The following NCOA2 variants were observed in gnomAD, a reference collection of about 807,000 sequenced individuals.
NCOA2 encodes the protein nuclear receptor coactivator 2.
Under a neutral mutation model 145.1 loss-of-function variants are expected in NCOA2, and 21 were observed. The observed-to-expected ratio is 0.14, with a 90% CI of 0.10 to 0.21. The LOEUF is 0.21. Ranked by LOEUF, NCOA2 falls within the 10% of genes least tolerant of loss-of-function variation. NCOA2 has a pLI of 1.00. For missense variants in NCOA2, 1,472 were observed against 1,837.6 expected (o/e 0.80, Z 3.64); for synonymous variants, 619 against 637.5 (o/e 0.97, Z 0.44).
intron 15 of NCOA2, among the ~76,000 whole-genome samples, chr8:70,135,026 C>T (rs192228637): frequency 2.6e-5 from 4 of 152,242 alleles, no homozygotes; most frequent in East Asian, 1.9e-4. Flanking sequence ...CCCAGGAAAA[C>T]GCCCCTGGAA....
intron 2 of NCOA2, among the ~76,000 whole-genome samples, chr8:70,290,152 T>C (rs1424984614): frequency 6.6e-6 from 1 of 151,910 alleles, no homozygotes; most frequent in Non-Finnish European, 1.5e-5. Flanking sequence ...CAAAATATAA[T>C]GGTGCCTAGG....
chr8:70,296,254 A>C (rs1345568060), intron 2 of NCOA2, among the ~76,000 whole-genome samples: 3 of 152,216 alleles, frequency 2.0e-5, no homozygotes, highest in African/African-American at 7.2e-5. Context: ...GTGCTTGAGA[A>C]GCTATTTTAC....
chr8:70,321,792 C>CTTTT (rs1563762022), intron 1 of NCOA2, among the ~76,000 whole-genome samples: 1 of 97,528 alleles, frequency 1.0e-5, no homozygotes, highest in Non-Finnish European at 2.0e-5. Flanking sequence ...TCAGAATATA[C>CTTTT]CTTTTTTTTT....
At chr8:70,347,454 T>C (rs1185130596) in intron 1 of NCOA2, among the ~76,000 whole-genome samples, 6 of 150,668 alleles carry the variant, frequency 4.0e-5, no homozygotes, top group Non-Finnish European at 8.9e-5. Context: ...CATTGCACTC[T>C]AGCCTGGACG....
At chr8:70,418,635 C>G in the NCOA2 span, among the ~76,000 whole-genome samples, 2 of 152,274 alleles carry the variant, frequency 1.3e-5, no homozygotes, top group East Asian at 3.9e-4. Context: ...AGTGGTAGGT[C>G]AATTACATTG....
chr8:70,196,287 A>C (rs1180810577), intron 4 of NCOA2, among the ~76,000 whole-genome samples: 1 of 152,170 alleles, frequency 6.6e-6, no homozygotes, highest in Non-Finnish European at 1.5e-5. Flanking sequence ...GAGGCACGAG[A>C]ATCACTTGAA....
chr8:70,416,761 A>G, the NCOA2 span, among the ~76,000 whole-genome samples: 1 of 152,140 alleles, frequency 6.6e-6, no homozygotes, highest in Non-Finnish European at 1.5e-5. Context: ...AGAGAGTGAG[A>G]GAGTGAGAAC....
chr8:70,415,526 G>A, the NCOA2 span, among the ~76,000 whole-genome samples: 1 of 152,194 alleles, frequency 6.6e-6, no homozygotes, highest in African/African-American at 2.4e-5. Flanking sequence ...TGAAGGGGTT[G>A]CAGAATATAA....
chr8:70,116,542 G>A (rs1012082405), intron 22 of NCOA2, among the ~76,000 whole-genome samples: 10 of 150,484 alleles, frequency 6.6e-5, no homozygotes, highest in Non-Finnish European at 8.9e-5. Flanking sequence ...CACAGAGTCC[G>A]TCTCAAAAAA....
At chr8:70,309,957 A>C (rs1370847773) in intron 1 of NCOA2, among the ~76,000 whole-genome samples, 2 of 151,848 alleles carry the variant, frequency 1.3e-5, no homozygotes, top group African/African-American at 4.8e-5. Context: ...TGTCTCGAAA[A>C]CAAACAAACA....
At chr8:70,353,793 T>G (rs995218248) in intron 1 of NCOA2, among the ~76,000 whole-genome samples, 1 of 152,188 alleles carries the variant, frequency 6.6e-6, no homozygotes, top group Non-Finnish European at 1.5e-5. Context: ...CGCTTGATTA[T>G]GTAAGCTTGC....
At chr8:70,249,416 G>A (rs1013683640) in intron 2 of NCOA2, among the ~76,000 whole-genome samples, 4 of 152,116 alleles carry the variant, frequency 2.6e-5, no homozygotes, top group African/African-American at 4.8e-5. Context: ...ACTTTTGCCC[G>A]AATACATATG....
intron 1 of NCOA2, among the ~76,000 whole-genome samples, chr8:70,398,453 C>T (rs1813898792): frequency 6.6e-6 from 1 of 152,014 alleles, no homozygotes; most frequent in Non-Finnish European, 1.5e-5. Flanking sequence ...AGAGCGAGAC[C>T]ATATCTCAAA....
chr8:70,124,734 G>C lies in NCOA2; in HGVS notation c.4048C>G (p.Pro1350Ala), dbSNP rs1252036245. Reference protein sequence around the residue: ...QSQANPAYQAPSDINGWAQGN... With the variant: ...QSQANPAYQAASDINGWAQGN... The stretch of plus-strand genomic sequence containing the variant: ...TGCGCCCATCCATTTATGTCGGAGG[G>C]GGCCTGATAGGCTGGGTTGGCCTGA... The change falls in exon 20 of 23, where the codon CCC becomes GCC. Residue 1350 changes from proline to alanine, a missense_variant. By Grantham distance (27) the Pro-to-Ala change is conservative. Transcript: ENST00000452400. The C allele has an allele frequency of 6.2e-7, 1 of 1,613,236 alleles. No homozygotes were observed. Among genetic ancestry groups the C allele is most frequent in the Non-Finnish European group, 8.5e-7 (1 of 1,179,672 alleles).
At chr8:70,238,381 A>G (rs1821837456) in intron 2 of NCOA2, among the ~76,000 whole-genome samples, 3 of 152,084 alleles carry the variant, frequency 2.0e-5, no homozygotes, top group African/African-American at 7.2e-5. Context: ...GAGCTCCACA[A>G]TGTAAATATT....
At chr8:70,256,784 T>C (rs1371440073) in intron 2 of NCOA2, among the ~76,000 whole-genome samples, 3 of 152,254 alleles carry the variant, frequency 2.0e-5, no homozygotes, top group Non-Finnish European at 4.4e-5. Context: ...GGGTTAGGAT[T>C]GGAATTCATG....
chr8:70,418,002 C>T, the NCOA2 span, among the ~76,000 whole-genome samples: 2 of 152,256 alleles, frequency 1.3e-5, no homozygotes, highest in Non-Finnish European at 2.9e-5. Flanking sequence ...AAGAATTCCT[C>T]CCTTTGGAAC....
intron 1 of NCOA2, among the ~76,000 whole-genome samples, chr8:70,313,691 G>A (rs537874723): frequency 2.6e-5 from 4 of 152,132 alleles, no homozygotes; most frequent in South Asian, 4.1e-4. Context: ...GTACACACAC[G>A]AAAAAATTTT....
chr8:70,236,387 A>G (rs1216949588), intron 2 of NCOA2, among the ~76,000 whole-genome samples: 2 of 152,008 alleles, frequency 1.3e-5, no homozygotes, highest in Non-Finnish European at 1.5e-5. Flanking sequence ...CTCCAGGTTC[A>G]TTTCTTGACC....
Sources: allele counts gnomAD v4.1 joint callset (sites outside exome capture counted in the v4.1 genomes callset), GRCh38; gene constraint gnomAD v4.1.1; transcripts MANE v1.5; gene names NCBI Gene and HGNC (gene_info 2026-07-23, HGNC 2026-07-21).